Variants in MAGI2 observed in about 807,000 individuals in gnomAD.
MAGI2 encodes the protein membrane associated guanylate kinase, WW and PDZ domain containing 2, also known as membrane-associated guanylate kinase, WW and PDZ domain-containing protein 2.
MAGI2 carries 35 observed loss-of-function variants against 133.3 expected under a neutral mutation model. That is an observed-to-expected ratio of 0.26 (90% CI 0.20 to 0.35). The LOEUF (loss-of-function observed/expected upper bound fraction) is 0.35, where lower values mean the gene tolerates loss of function less well. Among genes scored for constraint, MAGI2 ranks in the 10% least tolerant of loss-of-function variants. The probability of loss-of-function intolerance (pLI) is 1.00; values close to 1 mark genes in which losing one functional copy is unlikely to be tolerated. For synonymous variants in MAGI2, 729 were observed against 710.6 expected (o/e 1.03, Z -0.41); for missense variants, 1,636 against 1,863.4 (o/e 0.88, Z 2.25).
chr7:78,198,894 G>A (rs1333996051), intron 11 of MAGI2, among the ~76,000 whole-genome samples: 1 of 152,202 alleles, frequency 6.6e-6, no homozygotes, highest in Non-Finnish European at 1.5e-5. Context: ...TGGAGAGAAT[G>A]AGAACTCACT....
At chr7:78,936,190 G>A (rs1370964530) in intron 2 of MAGI2, among the ~76,000 whole-genome samples, 4 of 151,618 alleles carry the variant, frequency 2.6e-5, no homozygotes, top group African/African-American at 9.7e-5. Context: ...AAGTAAATAG[G>A]AAAAATGAAT....
At chr7:79,406,141 C>A (rs185043530) in intron 1 of MAGI2, among the ~76,000 whole-genome samples, 9 of 152,034 alleles carry the variant, frequency 5.9e-5, no homozygotes, top group Admixed American at 5.9e-4. Flanking sequence ...AGGAAGTTTT[C>A]CGGGTTGATA....
At chr7:78,101,796 G>T (rs1036531614) in intron 20 of MAGI2, among the ~76,000 whole-genome samples, 10 of 152,174 alleles carry the variant, frequency 6.6e-5, no homozygotes, top group Non-Finnish European at 1.5e-4. Flanking sequence ...GAAAAATGTA[G>T]TGGCCCCTCA....
At chr7:79,243,867 T>C (rs1832617399) in intron 1 of MAGI2, among the ~76,000 whole-genome samples, 1 of 152,186 alleles carries the variant, frequency 6.6e-6, no homozygotes, top group African/African-American at 2.4e-5. Flanking sequence ...GTAGTCAGGA[T>C]TTCAATTTTC....
intron 21 of MAGI2, among the ~76,000 whole-genome samples, chr7:78,020,408 G>T (rs1232264471): frequency 6.6e-6 from 1 of 152,160 alleles, no homozygotes; most frequent in Non-Finnish European, 1.5e-5. Context: ...GAGCAGGCCC[G>T]GAGGTTTCAG....
intron 3 of MAGI2, among the ~76,000 whole-genome samples, chr7:78,576,015 C>T (rs550417952): frequency 6.7e-6 from 1 of 149,788 alleles, no homozygotes; most frequent in Admixed American, 6.6e-5. Context: ...TAAACATAAA[C>T]TCTCTGTACT....
chr7:79,221,350 C>T (rs1830431958), intron 1 of MAGI2, among the ~76,000 whole-genome samples: 1 of 152,012 alleles, frequency 6.6e-6, no homozygotes, highest in Non-Finnish European at 1.5e-5. Flanking sequence ...TGTCATCTGC[C>T]CAGCCCTGTG....
In MAGI2 at chr7:79,309,968, T is replaced by TAAAA. The variant is rs111847690; in HGVS notation, c.301+143048_301+143051dup. Reference sequence around the variant, plus strand: ...CAACATAGGGAAACCTTGTTTTTCCTAAAAAAAAAAAAAAAGAAAAGAAAA... The same window carrying TAAAA: ...CAACATAGGGAAACCTTGTTTTTCCTAAAAAAAAAAAAAAAAAAAGAAAAGAAAA... On this transcript the variant is annotated intron_variant, in intron 1 of 21. Transcript: ENST00000354212. 8.1e-4 allele frequency among the ~76,000 whole-genome samples: 82 copies of TAAAA among 101,508 alleles called. 3 individuals are homozygous for TAAAA. The Middle Eastern group carries it at 0.017, about 21-fold the overall frequency. The allele number at this position is 101,508 out of a possible 152,430, so 66.6% of individuals were successfully genotyped here. A position where few individuals can be genotyped will look rare whatever the true frequency, so the allele number is the denominator to read the frequency against.
At chr7:78,728,153 C>G (rs1037161562) in intron 2 of MAGI2, among the ~76,000 whole-genome samples, 8 of 152,112 alleles carry the variant, frequency 5.3e-5, no homozygotes, top group African/African-American at 1.9e-4. Context: ...TGAGAATAAT[C>G]TGCATTAAGG....
At position 78,519,148 on chromosome 7, in the gene MAGI2, A is replaced by AC. The variant is rs1284570799; in HGVS notation, c.754+2281dup. On this transcript the variant is annotated intron_variant, in intron 4 of 21. Transcript: ENST00000354212. Reference sequence around the variant, plus strand: ...TGTGCTAAAAAAAAAAAAAAAAAAAACCAATGTGATGAGTTTCAAAAGGTG... The same window carrying AC: ...TGTGCTAAAAAAAAAAAAAAAAAAAACCCAATGTGATGAGTTTCAAAAGGTG... 1,324 of 147,574 alleles carry AC rather than the reference A, an allele frequency of 9.0e-3. 14 individuals carry two copies. The highest frequency in any genetic ancestry group is 0.024 in the African/African-American group (973 of 39,824). The allele number at this position is 147,574 out of a possible 1,614,324, so 9.1% of individuals were successfully genotyped here.
At chr7:78,623,914 A>C (rs1808023937) in intron 3 of MAGI2, among the ~76,000 whole-genome samples, 1 of 152,084 alleles carries the variant, frequency 6.6e-6, no homozygotes, top group Non-Finnish European at 1.5e-5. Flanking sequence ...TGCATCACTC[A>C]TTTGTGTTTG....
At chr7:78,058,187 A>G (rs897601945) in intron 21 of MAGI2, among the ~76,000 whole-genome samples, 3 of 152,118 alleles carry the variant, frequency 2.0e-5, no homozygotes, top group South Asian at 4.1e-4. Flanking sequence ...CCAAGTGGTC[A>G]TAGTACAATG....
At chr7:78,724,279 G>T (rs1820547979) in intron 2 of MAGI2, among the ~76,000 whole-genome samples, 2 of 152,136 alleles carry the variant, frequency 1.3e-5, no homozygotes, top group Non-Finnish European at 2.9e-5. Context: ...GTTCAAAACA[G>T]AGACTAAATT....
At position 78,086,092 on chromosome 7, in the gene MAGI2, A is replaced by G. The variant is rs1816604843; in HGVS notation, c.3568-7007T>C. Reference sequence around the variant, plus strand: ...CCTACTGTGGAAGTAGTTGAGCTCTAAATTATGATCTGGTATCTTCTTCAC... The same window carrying G: ...CCTACTGTGGAAGTAGTTGAGCTCTGAATTATGATCTGGTATCTTCTTCAC... On this transcript the variant is annotated intron_variant, in intron 20 of 21. Transcript: ENST00000354212. 2.0e-5 allele frequency among the ~76,000 whole-genome samples: 3 copies of G among 152,190 alleles called. No homozygotes were observed. The South Asian group carries it at 6.2e-4, about 31-fold the overall frequency.
At chr7:78,297,869 A>AGAT (rs1797435640) in intron 9 of MAGI2, among the ~76,000 whole-genome samples, 2 of 145,646 alleles carry the variant, frequency 1.4e-5, no homozygotes, top group South Asian at 2.3e-4. Context: ...TAGCATTGGG[A>AGAT]GATACACCTA....
intron 5 of MAGI2, among the ~76,000 whole-genome samples, chr7:78,498,780 G>T (rs529685391): frequency 1.1e-4 from 16 of 152,178 alleles, no homozygotes; most frequent in Non-Finnish European, 1.9e-4. Context: ...GAGCAGGCGG[G>T]CAGGGATGCC....
intron 1 of MAGI2, among the ~76,000 whole-genome samples, chr7:79,181,438 T>C (rs1261770516): frequency 6.6e-6 from 1 of 151,966 alleles, no homozygotes; most frequent in Non-Finnish European, 1.5e-5. Flanking sequence ...AGCTCTATCT[T>C]GACCCCTGTT....
At chr7:78,545,971 A>G (rs530332050) in intron 3 of MAGI2, among the ~76,000 whole-genome samples, 1 of 152,330 alleles carries the variant, frequency 6.6e-6, no homozygotes, top group East Asian at 1.9e-4. Context: ...AAAAACGTTA[A>G]ATAATATATT....
chr7:79,317,212 C>T (rs897814082), intron 1 of MAGI2, among the ~76,000 whole-genome samples: 7 of 151,668 alleles, frequency 4.6e-5, no homozygotes, highest in East Asian at 3.9e-4. Context: ...TTAGTAGAGA[C>T]GGGTTTTCAC....
Sources: gnomAD v4.1 joint callset for allele counts (sites outside exome capture counted in the v4.1 genomes callset) on GRCh38, gnomAD v4.1.1 for gene constraint, MANE v1.5 for transcripts, NCBI Gene and HGNC (gene_info 2026-07-23, HGNC 2026-07-21) for gene names.